The following DLG1 variants were observed in gnomAD, a reference collection of about 807,000 sequenced individuals.
DLG1 encodes the protein discs large MAGUK scaffold protein 1, also known as disks large homolog 1.
In DLG1, 42 loss-of-function variants were observed where a neutral mutation model predicts 123.4. That is an observed-to-expected ratio of 0.34 (90% CI 0.27 to 0.44). DLG1 has a LOEUF of 0.44. Among genes scored for constraint, DLG1 ranks in the 20% least tolerant of loss-of-function variants. The pLI is 1.00. For missense variants in DLG1, 942 were observed against 1,082.6 expected, an observed-to-expected ratio of 0.87 and a Z score of 1.82; for synonymous variants, 317 against 356.2, an observed-to-expected ratio of 0.89 and a Z score of 1.24.
chr3:197,153,603 C>CA (rs1241255873), intron 5 of DLG1, among the ~76,000 whole-genome samples: 1 of 152,216 alleles, frequency 6.6e-6, no homozygotes, highest in Admixed American at 6.5e-5. Context: ...AACCCCACCC[C>CA]AACCTCCCAG....
intron 13 of DLG1, among the ~76,000 whole-genome samples, chr3:197,113,523 A>T (rs936729405): frequency 1.3e-5 from 2 of 152,180 alleles, no homozygotes; most frequent in Non-Finnish European, 2.9e-5. Flanking sequence ...GTATAATAAC[A>T]TTATTTGTCT....
chr3:197,095,896 G>T (rs1432525109), intron 14 of DLG1, among the ~76,000 whole-genome samples: 1 of 152,160 alleles, frequency 6.6e-6, no homozygotes, highest in Non-Finnish European at 1.5e-5. Flanking sequence ...GGGTCCATTT[G>T]ACATGTCTCC....
chr3:197,194,630 A>C (rs757802977), intron 4 of DLG1, 41 bp from the exon 5 acceptor site: 193 of 1,444,596 alleles, frequency 1.3e-4, no homozygotes, highest in Non-Finnish European at 1.7e-4. Context: ...GATAAGCAAC[A>C]TGAGTTTAAT....
intron 19 of DLG1, among the ~76,000 whole-genome samples, chr3:197,067,713 A>G (rs1740659930): frequency 6.6e-6 from 1 of 152,086 alleles, no homozygotes; most frequent in Non-Finnish European, 1.5e-5. Flanking sequence ...ATGTGCCATC[A>G]TGCCCAGCTA....
rs768616408 is a variant in DLG1, at chr3:197,297,358, CAAAGAA to C, written c.-31-129_-31-124del. On this transcript the variant is annotated intron_variant, in intron 1 of 24. Transcript: ENST00000667157. ...CCCACGTTCCAAAGTTTTACCAAGT[CAAAGAA>C]AGAGTCTCAAAACGCAGCAGTTGTC... 2.6e-5 allele frequency: 38 copies of C among 1,475,958 alleles called. 1 individual carries two copies. In the Middle Eastern group the frequency reaches 1.1e-3, roughly 41 times the overall value. The allele number at this position is 1,475,958 out of a possible 1,614,324, so 91.4% of individuals were successfully genotyped here. A position where few individuals can be genotyped will look rare whatever the true frequency, so the allele number is the denominator to read the frequency against.
chr3:197,176,714 T>C (rs918944227), intron 5 of DLG1, among the ~76,000 whole-genome samples: 3 of 152,178 alleles, frequency 2.0e-5, no homozygotes, highest in Non-Finnish European at 4.4e-5. Flanking sequence ...CTGAGGAATA[T>C]GTTGGTTGCT....
At chr3:197,096,339 C>T (rs1181294528) in intron 14 of DLG1, among the ~76,000 whole-genome samples, 5 of 152,114 alleles carry the variant, frequency 3.3e-5, no homozygotes, top group Non-Finnish European at 5.9e-5. Flanking sequence ...TTTGGTCAAT[C>T]TGAATTTGAA....
chr3:197,288,740 A>G (rs1773224057), intron 3 of DLG1, among the ~76,000 whole-genome samples: 2 of 122,780 alleles, frequency 1.6e-5, no homozygotes, highest in South Asian at 3.0e-4. Context: ...AAAAAAAAAA[A>G]AAAATACATA....
At chr3:197,272,905 A>G (rs1039709332) in intron 4 of DLG1, among the ~76,000 whole-genome samples, 2 of 152,164 alleles carry the variant, frequency 1.3e-5, no homozygotes, top group African/African-American at 4.8e-5. Context: ...TTAAACTGAG[A>G]TAAAATGGAC....
At chr3:197,183,916 A>G in intron 5 of DLG1, 1 of 1,448,338 alleles carries the variant, frequency 6.9e-7, no homozygotes. Flanking sequence ...CATCACTTGT[A>G]GATCAGTGAA....
chr3:197,182,884 G>GT (rs1322949713), intron 5 of DLG1, among the ~76,000 whole-genome samples: 2 of 151,904 alleles, frequency 1.3e-5, no homozygotes, highest in Non-Finnish European at 2.9e-5. Flanking sequence ...AAAAAGTGGT[G>GT]TTATGTGATT....
intron 2 of DLG1, 78 bp downstream of exon 2, chr3:197,297,108 T>C (rs1001542871): frequency 1.3e-6 from 2 of 1,511,914 alleles, no homozygotes; most frequent in Non-Finnish European, 1.8e-6. Context: ...ACACAAACGA[T>C]TCTAAAACGG....
At chr3:197,174,333 T>G (rs1406173804) in intron 5 of DLG1, among the ~76,000 whole-genome samples, 1 of 152,110 alleles carries the variant, frequency 6.6e-6, no homozygotes, top group Non-Finnish European at 1.5e-5. Context: ...CCAAAAACCA[T>G]GGAAGCGACA....
At chr3:197,109,013 CAT>C (rs1768257323) in intron 13 of DLG1, among the ~76,000 whole-genome samples, 2 of 152,010 alleles carry the variant, frequency 1.3e-5, no homozygotes, top group Non-Finnish European at 2.9e-5. Flanking sequence ...AATTTTACTA[CAT>C]ATATTTGTTA....
At position 197,108,414 on chromosome 3, in the gene DLG1, C is replaced by T. The variant is rs190168774; in HGVS notation, c.1444-3409G>A. 1.1e-3 allele frequency among the ~76,000 whole-genome samples: 164 copies of T among 152,226 alleles called. 1 individual carries two copies. The highest frequency in any genetic ancestry group is 3.6e-3 in the African/African-American group (149 of 41,534). On this transcript the variant is annotated intron_variant, in intron 13 of 24. Coordinates refer to ENST00000667157, the MANE Select transcript of DLG1 (RefSeq NM_001366207.1). ...TGTTTGGCAGAATGTACCAGTGCAG[C>T]CATCTGGTCCTGGGATTTTTGTGTT... is the stretch of plus-strand genomic sequence containing the variant.
At chr3:197,287,761 G>A (rs553192487) in intron 3 of DLG1, among the ~76,000 whole-genome samples, 1 of 152,154 alleles carries the variant, frequency 6.6e-6, no homozygotes, top group Admixed American at 6.5e-5. Context: ...ATGACTAAAG[G>A]TATATTCCAT....
chr3:197,117,188 A>C (rs1773773679), intron 12 of DLG1, among the ~76,000 whole-genome samples: 1 of 152,188 alleles, frequency 6.6e-6, no homozygotes, highest in Non-Finnish European at 1.5e-5. Flanking sequence ...AAAAAGTAAC[A>C]AGTGTTGATG....
intron 13 of DLG1, among the ~76,000 whole-genome samples, chr3:197,114,987 GAAAAAAAAAAAA>G (rs375841391): frequency 2.3e-5 from 2 of 86,076 alleles, no homozygotes; most frequent in East Asian, 3.4e-4. Context: ...CCATCTCAAG[GAAAAAAAAAAAA>G]AAAAAAAAAA....
chr3:197,268,782 A>T (rs909926267), intron 4 of DLG1, among the ~76,000 whole-genome samples: 42 of 152,174 alleles, frequency 2.8e-4, no homozygotes, highest in African/African-American at 1.0e-3. Context: ...AATACACTGT[A>T]TAGAGGTACA....
Sources: allele counts gnomAD v4.1 joint callset (sites outside exome capture counted in the v4.1 genomes callset), GRCh38; gene constraint gnomAD v4.1.1; transcripts MANE v1.5; gene names NCBI Gene and HGNC (gene_info 2026-07-23, HGNC 2026-07-21).